Variants in INPP5D observed in about 807,000 individuals in gnomAD.
INPP5D encodes the protein phosphatidylinositol 3,4,5-trisphosphate 5-phosphatase 1.
Under a neutral mutation model 122.9 loss-of-function variants are expected in INPP5D, and 33 were observed. The observed-to-expected ratio is 0.27, with a 90% CI of 0.20 to 0.36. INPP5D has a LOEUF of 0.36. Among genes scored for constraint, INPP5D ranks in the 10% least tolerant of loss-of-function variants. The pLI, the probability that INPP5D is intolerant of heterozygous loss-of-function variation, is 1.00. For synonymous variants in INPP5D, 584 were observed against 576.2 expected, an observed-to-expected ratio of 1.01 and a Z score of -0.19; for missense variants, 1,053 against 1,412.7, an observed-to-expected ratio of 0.75 and a Z score of 4.08.
intron 9 of INPP5D, among the ~76,000 whole-genome samples, chr2:233,150,548 G>A (rs574358086): frequency 2.6e-5 from 4 of 152,282 alleles, no homozygotes; most frequent in South Asian, 2.1e-4. Flanking sequence ...AGATGGAAAC[G>A]TTAAGATGAG....
intron 9 of INPP5D, among the ~76,000 whole-genome samples, chr2:233,155,210 T>TA (rs1293309764): frequency 6.6e-6 from 1 of 151,612 alleles, no homozygotes; most frequent in South Asian, 2.1e-4. Context: ...TAGCAGTAAT[T>TA]AAAAAAAATA....
chr2:233,154,266 A>T (rs1469096205), intron 9 of INPP5D, among the ~76,000 whole-genome samples: 1 of 152,198 alleles, frequency 6.6e-6, no homozygotes, highest in African/African-American at 2.4e-5. Flanking sequence ...CTCGTGCCTC[A>T]GCCTCCCAGG....
rs1386171089 is a variant in INPP5D, at chr2:233,198,119, C to T, written c.2718C>T (p.Ser906=). Residue 906 remains serine, a synonymous_variant, in exon 25 of 27, where the codon AGC becomes AGT. Transcript: ENST00000445964. The part of the protein sequence containing the change: ...TSRAPPCSGS[S]ITEIINPNYM... ...GGGCCCCTCCGTGCAGTGGCTCCAG[C>T]ATCACTGAAATCATCAACCCCAACT... 6.2e-7 allele frequency: 1 copy of T among 1,610,224 alleles called. No individual in the cohort carries two copies. The highest frequency in any genetic ancestry group is 1.7e-5 in the Admixed American group (1 of 59,796).
rs542282449 is a variant in INPP5D at position 233,198,498 on chromosome 2, C to G, written c.2975+122C>G. 66 of 1,423,228 alleles carry G rather than the reference C, an allele frequency of 4.6e-5. No homozygotes were observed. The Middle Eastern group carries it at 6.8e-4, about 15-fold the overall frequency. 88.2% of individuals were successfully genotyped at this position (1,423,228 alleles called of 1,614,324 possible). The stretch of plus-strand genomic sequence containing the variant: ...CAATTTGTGTCCACTTGGCTCATGA[C>G]TTATCCCTGGGGCCTGAACACAGCA... On this transcript the variant is annotated intron_variant, in intron 25 of 26. Transcript: ENST00000445964.
Position 233,128,016 on chromosome 2 carries a change from G to T in INPP5D, c.524+2097G>T, listed in dbSNP as rs2106261705. On this transcript the variant is annotated intron_variant, in intron 4 of 26. Coordinates refer to ENST00000445964, the MANE Select transcript of INPP5D (RefSeq NM_001017915.3). This position sits in a 1 kb window ranked among gnomAD's most constrained non-coding sequence, Gnocchi z 4.5. ...TTAAGATACATATTTTAATACAGGG[G>T]TCCCCAACCTGTGGACTATTAGGAA... Among the ~76,000 whole-genome samples, 3 of 152,320 alleles carry T rather than the reference G, an allele frequency of 2.0e-5. 1 individual carries two copies. The South Asian group carries it at 6.2e-4, about 32-fold the overall frequency.
At chr2:233,161,881 C>T in intron 11 of INPP5D, 55 bp downstream of exon 11, 3 of 1,559,958 alleles carry the variant, frequency 1.9e-6, no homozygotes, top group African/African-American at 1.4e-5. Context: ...GCTTTCCTGA[C>T]TCAGGCATCC....
intron 10 of INPP5D, among the ~76,000 whole-genome samples, chr2:233,161,420 A>C (rs540756310): frequency 6.6e-6 from 1 of 152,236 alleles, no homozygotes; most frequent in African/African-American, 2.4e-5. Context: ...GAATCTCCTA[A>C]GGCTGGACAG....
At position 233,185,887 on chromosome 2, in the gene INPP5D, G is replaced by A; in HGVS notation, c.2320G>A (p.Gly774Arg). ...AGGAGAAAATGAAGAAGGAAGTGAG[G>A]GGGAGCTGGTGGTGAAGTTTGGTGA... Reference protein sequence around the residue: ...QEGENEEGSEGELVVKFGETL... With the variant: ...QEGENEEGSERELVVKFGETL... Residue 774 changes from glycine (G) to arginine (R), a missense_variant, in exon 21 of 27, where the codon GGG (glycine) becomes AGG (arginine). Physicochemically the swap from Gly to Arg is moderately radical, Grantham distance 125 (BLOSUM62 -2). Around this residue, in one of 6 missense-constraint regions of INPP5D, gnomAD observed 258 missense variants for 439.1 expected, o/e 0.59. Coordinates refer to ENST00000445964, the MANE Select transcript of INPP5D (RefSeq NM_001017915.3). 1 of 1,609,314 alleles carries A rather than the reference G, an allele frequency of 6.2e-7. No homozygotes were observed. Among genetic ancestry groups the A allele is most frequent in the Non-Finnish European group, 8.5e-7 (1 of 1,177,814 alleles).
Position 233,164,507 on chromosome 2 carries a change from T to G in INPP5D, c.1555+83T>G. 7.1e-7 allele frequency: 1 copy of G among 1,413,004 alleles called. No homozygotes were observed. The allele number at this position is 1,413,004 out of a possible 1,614,324, so 87.5% of individuals were successfully genotyped here. A position where few individuals can be genotyped will look rare whatever the true frequency, so the allele number is the denominator to read the frequency against. On this transcript the variant is annotated intron_variant, in intron 13 of 26. Transcript: ENST00000445964. The surrounding 1 kb of genome is among the most constrained non-coding windows in gnomAD (Gnocchi z 4.3). ...CACATCATCCTGATCCCACCAGTAGTTCCCCGGGTTAAAAACAGAGAGCCT... is the reference window on the plus strand; with the variant it reads ...CACATCATCCTGATCCCACCAGTAGGTCCCCGGGTTAAAAACAGAGAGCCT...
intron 21 of INPP5D, among the ~76,000 whole-genome samples, chr2:233,187,918 T>C (rs569283941): frequency 6.6e-6 from 1 of 152,128 alleles, no homozygotes; most frequent in African/African-American, 2.4e-5. Flanking sequence ...CCACAACATG[T>C]TCACCCCCTG....
rs1450802095 is a variant in INPP5D, at chr2:233,100,915, G to A, written c.199-21192G>A. ...CCCTCAAAGAAGGCGGAAGCTTCCT[G>A]TCGTGGTCTGGCCCTTTGCCATCTT... On this transcript the variant is annotated intron_variant, in intron 2 of 26. Coordinates refer to ENST00000445964, the MANE Select transcript of INPP5D (RefSeq NM_001017915.3). The surrounding 1 kb of genome is among the most constrained non-coding windows in gnomAD (Gnocchi z 5.3). 6.7e-6 allele frequency among the ~76,000 whole-genome samples: 1 copy of A among 148,316 alleles called. No individual in the cohort carries two copies. Among genetic ancestry groups the A allele is most frequent in the African/African-American group, 2.5e-5 (1 of 39,274 alleles).
chr2:233,137,886 A>ATG (rs763545370), intron 5 of INPP5D, among the ~76,000 whole-genome samples: 1 of 52,058 alleles, frequency 1.9e-5, no homozygotes, highest in Non-Finnish European at 5.6e-5. Context: ...ATATATATAT[A>ATG]TATATATATA....
At chr2:233,155,819 C>T (rs1041234900) in intron 9 of INPP5D, among the ~76,000 whole-genome samples, 3 of 152,062 alleles carry the variant, frequency 2.0e-5, no homozygotes, top group African/African-American at 7.2e-5. Flanking sequence ...TCACACAACA[C>T]AGGAGGCCCA....
intron 13 of INPP5D, among the ~76,000 whole-genome samples, chr2:233,166,212 C>T (rs1336104647): frequency 6.6e-6 from 1 of 152,164 alleles, no homozygotes; most frequent in Non-Finnish European, 1.5e-5. Flanking sequence ...CTTCCAGTCC[C>T]TCCCACCAGC....
At chr2:233,145,911 G>A (rs1367236601) in intron 6 of INPP5D, 14 of 653,702 alleles carry the variant, frequency 2.1e-5, no homozygotes, top group South Asian at 2.1e-4. Context: ...CGGAGTGGGT[G>A]AGGTGAGAAG....
chr2:233,155,579 C>T (rs373100597), intron 9 of INPP5D, among the ~76,000 whole-genome samples: 63 of 151,896 alleles, frequency 4.1e-4, no homozygotes, highest in Middle Eastern at 3.4e-3. Flanking sequence ...CCAAGATCCA[C>T]GACTGCACTC....
Position 233,131,182 on chromosome 2 carries a change from T to G in INPP5D, c.665+534T>G, listed in dbSNP as rs1304459871. ...ACCAACTGGTAAAGGTTCTGATTTC[T>G]TTTAGATTCTTTTGGTTTTACATTT... On this transcript the variant is annotated intron_variant, in intron 5 of 26. Coordinates refer to ENST00000445964, the MANE Select transcript of INPP5D (RefSeq NM_001017915.3). 4 of 926,240 alleles carry G rather than the reference T, an allele frequency of 4.3e-6. No individual in the cohort carries two copies. In the East Asian group the frequency reaches 4.7e-4, roughly 109 times the overall value. 57.4% of individuals were successfully genotyped at this position (926,240 alleles called of 1,614,324 possible).
At position 233,197,622 on chromosome 2, in the gene INPP5D, C is replaced by A. The variant is rs908885716; in HGVS notation, c.2694-473C>A. Among the ~76,000 whole-genome samples, 2 of 152,188 alleles carry A rather than the reference C, an allele frequency of 1.3e-5. No individual in the cohort carries two copies. Among genetic ancestry groups the A allele is most frequent in the Non-Finnish European group, 2.9e-5 (2 of 68,040 alleles). On this transcript the variant is annotated intron_variant, in intron 24 of 26. Coordinates refer to ENST00000445964, the MANE Select transcript of INPP5D (RefSeq NM_001017915.3). This position sits in a 1 kb window ranked among gnomAD's most constrained non-coding sequence, Gnocchi z 4.4. ...CTCTTGCCACTGCCGAGAACAGTCT[C>A]CCCTTCTTTCTCTCTTATCTGCTTA...
chr2:233,140,964 A>T (rs1384060333), intron 6 of INPP5D: 1 of 152,234 alleles, frequency 6.6e-6, no homozygotes, highest in Non-Finnish European at 1.5e-5. Flanking sequence ...AAGGCGTTCA[A>T]CCTCACCTTG....
Sources: allele counts gnomAD v4.1 joint callset (sites outside exome capture counted in the v4.1 genomes callset), GRCh38; gene constraint gnomAD v4.1.1; regional missense constraint gnomAD v4.1.1; non-coding constraint Gnocchi (gnomAD v3.1); transcripts MANE v1.5; gene names NCBI Gene and HGNC (gene_info 2026-07-23, HGNC 2026-07-21).